Variants in CSNK1G1 observed in about 807,000 individuals in gnomAD.
The protein encoded by CSNK1G1 is casein kinase 1 gamma 1.
A neutral mutation model predicts 59.6 loss-of-function variants in CSNK1G1; 22 were observed. The observed-to-expected ratio is 0.37, with a 90% CI of 0.26 to 0.53. CSNK1G1 has a LOEUF of 0.53. Among genes scored for constraint, CSNK1G1 ranks in the 20% least tolerant of loss-of-function variants. The pLI, the probability that CSNK1G1 is intolerant of heterozygous loss-of-function variation, is 0.89. For synonymous variants in CSNK1G1, 179 were observed against 177.1 expected, an observed-to-expected ratio of 1.01 and a Z score of -0.08; for missense variants, 384 against 519.5, an observed-to-expected ratio of 0.74 and a Z score of 2.54.
At chr15:64,300,867 T>C (rs1895292871) in intron 1 of CSNK1G1, 144 bp from the exon 2 acceptor site, 3 of 429,524 alleles carry the variant, frequency 7.0e-6, no homozygotes, top group South Asian at 2.4e-4. Context: ...TATCCTCCAA[T>C]AGTTTAACCA....
rs115709000 is a variant in CSNK1G1, at chr15:64,295,256, C to T, written c.181+5063G>A. Reference sequence around the variant, plus strand: ...TATGCCTAGTGTTCCATTATTGGAACGCTAGGCTGGTGGGAGTTATTTATA... The same window carrying T: ...TATGCCTAGTGTTCCATTATTGGAATGCTAGGCTGGTGGGAGTTATTTATA... On this transcript the variant is annotated intron_variant, in intron 2 of 11. Coordinates refer to ENST00000303052, the MANE Select transcript of CSNK1G1 (RefSeq NM_022048.5). 1.6e-3 allele frequency among the ~76,000 whole-genome samples: 251 copies of T among 152,218 alleles called. 1 individual carries two copies. Among genetic ancestry groups the T allele is most frequent in the African/African-American group, 5.3e-3 (220 of 41,534 alleles).
chr15:64,308,113 T>C (rs906096478), intron 1 of CSNK1G1, among the ~76,000 whole-genome samples: 2 of 152,188 alleles, frequency 1.3e-5, no homozygotes, highest in Non-Finnish European at 2.9e-5. Context: ...ATAACGTTGA[T>C]CTCTGGAAAT....
At chr15:64,294,945 G>C (rs1037709002) in intron 2 of CSNK1G1, among the ~76,000 whole-genome samples, 1 of 151,040 alleles carries the variant, frequency 6.6e-6, no homozygotes, top group Non-Finnish European at 1.5e-5. Context: ...AGAGGGTCGG[G>C]GGGTGGCCAG....
chr15:64,237,537 T>C lies in CSNK1G1; in HGVS notation c.292+13975A>G, dbSNP rs1469838619. On this transcript the variant is annotated intron_variant, in intron 4 of 11. Coordinates refer to ENST00000303052, the MANE Select transcript of CSNK1G1 (RefSeq NM_022048.5). ...CATGTTCTTTGTTCACAACTACCTGTGTTAAAAGAGTCCTCTTTAAGTAAA... is the reference window on the plus strand; with the variant it reads ...CATGTTCTTTGTTCACAACTACCTGCGTTAAAAGAGTCCTCTTTAAGTAAA... 2.6e-5 allele frequency among the ~76,000 whole-genome samples: 4 copies of C among 152,218 alleles called. No homozygotes were observed. The East Asian group carries it at 5.8e-4, about 22-fold the overall frequency.
intron 4 of CSNK1G1, among the ~76,000 whole-genome samples, chr15:64,235,831 T>C (rs2082606695): frequency 6.6e-6 from 1 of 152,190 alleles, no homozygotes; most frequent in Non-Finnish European, 1.5e-5. Context: ...TTCAAACATT[T>C]CTTAAATACT....
chr15:64,172,652 C>T (rs1025101102), intron 11 of CSNK1G1, among the ~76,000 whole-genome samples: 1 of 152,176 alleles, frequency 6.6e-6, no homozygotes, highest in African/African-American at 2.4e-5. Context: ...AGCCCAAGAG[C>T]TGACCATCAG....
intron 1 of CSNK1G1, among the ~76,000 whole-genome samples, chr15:64,331,109 A>G (rs2140457259): frequency 6.7e-6 from 1 of 149,434 alleles, no homozygotes; most frequent in Admixed American, 6.7e-5. Flanking sequence ...GCCCAAGGTA[A>G]TTTACAGATT....
rs1482540674 is a variant in CSNK1G1 at position 64,200,812 on chromosome 15, A to G, written c.1107+2270T>C. Among the ~76,000 whole-genome samples, 2 of 152,220 alleles carry G rather than the reference A, an allele frequency of 1.3e-5. No homozygotes were observed. Among genetic ancestry groups the G allele is most frequent in the Non-Finnish European group, 2.9e-5 (2 of 68,036 alleles). The stretch of plus-strand genomic sequence containing the variant: ...CCAGTTTATTCAATAAAGGATGTGA[A>G]GTAGATTTATAACCATGCCTTTATA... On this transcript the variant is annotated intron_variant, in intron 10 of 11. Transcript: ENST00000303052. The surrounding 1 kb of genome is among the most constrained non-coding windows in gnomAD (Gnocchi z 4.3).
chr15:64,189,564 C>T (rs75062498), intron 10 of CSNK1G1: 57,221 of 880,922 alleles, frequency 0.065, 2,213 homozygotes, highest in Middle Eastern at 0.11. Context: ...ATATAAACAG[C>T]TGCAGGGGTT....
chr15:64,223,259 AT>A (rs2140278976), intron 4 of CSNK1G1, among the ~76,000 whole-genome samples: 1 of 152,274 alleles, frequency 6.6e-6, no homozygotes, highest in South Asian at 2.1e-4. Context: ...TGTATATTTC[AT>A]TCTTCTTTTG....
intron 4 of CSNK1G1, among the ~76,000 whole-genome samples, chr15:64,226,417 G>A (rs1366128837): frequency 6.6e-6 from 1 of 152,080 alleles, no homozygotes; most frequent in African/African-American, 2.4e-5. Flanking sequence ...AATTAGCTGG[G>A]CGTGGTGGTG....
intron 2 of CSNK1G1, among the ~76,000 whole-genome samples, chr15:64,300,049 C>G (rs971293062): frequency 6.6e-6 from 1 of 152,082 alleles, no homozygotes; most frequent in African/African-American, 2.4e-5. Context: ...CTGCATTTTA[C>G]TGATATCTGT....
At position 64,171,325 on chromosome 15, in the gene CSNK1G1, T is replaced by C. The variant is rs1413394421; in HGVS notation, c.*606A>G. The C allele has an allele frequency of 1.9e-5, 3 of 154,054 alleles. No individual in the cohort carries two copies. Among genetic ancestry groups the C allele is most frequent in the African/African-American group, 7.3e-5 (3 of 41,376 alleles). 9.5% of individuals were successfully genotyped at this position (154,054 alleles called of 1,614,324 possible). On this transcript the variant is annotated 3_prime_UTR_variant, in exon 12 of 12. Transcript: ENST00000303052. The surrounding 1 kb of genome is among the most constrained non-coding windows in gnomAD (Gnocchi z 4.8). ...ATTGCTCACAGCTTGTGTCCTACAG[T>C]GTAACTTCACAGGAGGGAGGGAAGA...
At chr15:64,192,684 C>A (rs1372845028) in intron 10 of CSNK1G1, among the ~76,000 whole-genome samples, 1 of 151,672 alleles carries the variant, frequency 6.6e-6, no homozygotes. Context: ...CATGGTGAGA[C>A]CCTGTCTCTA....
At chr15:64,238,004 T>C (rs368843356) in intron 4 of CSNK1G1, among the ~76,000 whole-genome samples, 131 of 152,268 alleles carry the variant, frequency 8.6e-4, no homozygotes, top group African/African-American at 2.9e-3. Flanking sequence ...CAATGATTGA[T>C]TTACTGTGGG....
chr15:64,219,481 C>T (rs1166248668), intron 4 of CSNK1G1, among the ~76,000 whole-genome samples: 3 of 152,102 alleles, frequency 2.0e-5, no homozygotes, highest in Admixed American at 6.6e-5. Context: ...TCTTTTGAGA[C>T]AGTGTCTCAC....
intron 1 of CSNK1G1, among the ~76,000 whole-genome samples, chr15:64,339,382 C>T (rs1329294540): frequency 2.6e-5 from 4 of 152,052 alleles, no homozygotes; most frequent in East Asian, 1.9e-4. Flanking sequence ...GCACAATCTC[C>T]GCTCACTGCA....
At position 64,238,772 on chromosome 15, in the gene CSNK1G1, G is replaced by GC. The variant is rs562916720; in HGVS notation, c.292+12739dup. ...TGGAGTTGGGCCAGGGCTGTGCCAT[G>GC]CCCCCCCAGGGATAGAGATTCACAG... is the stretch of plus-strand genomic sequence containing the variant. On this transcript the variant is annotated intron_variant, in intron 4 of 11. Transcript: ENST00000303052. Among the ~76,000 whole-genome samples, 9 of 151,320 alleles carry GC rather than the reference G, an allele frequency of 5.9e-5. No individual in the cohort carries two copies. The South Asian group carries it at 1.5e-3, about 25-fold the overall frequency.
At position 64,271,021 on chromosome 15, in the gene CSNK1G1, C is replaced by T. The variant is rs371768485; in HGVS notation, c.182-11780G>A. Among the ~76,000 whole-genome samples, 4 of 152,088 alleles carry T rather than the reference C, an allele frequency of 2.6e-5. No individual in the cohort carries two copies. In the South Asian group the frequency reaches 6.2e-4, roughly 24 times the overall value. On this transcript the variant is annotated intron_variant, in intron 2 of 11. Transcript: ENST00000303052. ...TTTTTGAGACAGAGTCTCGCTCTGTCTCCCAGGTTGGAGTGTAGCAGCACG... is the reference window on the plus strand; with the variant it reads ...TTTTTGAGACAGAGTCTCGCTCTGTTTCCCAGGTTGGAGTGTAGCAGCACG...
Sources: gnomAD v4.1 joint callset for allele counts (sites outside exome capture counted in the v4.1 genomes callset) on GRCh38, gnomAD v4.1.1 for gene constraint, Gnocchi (gnomAD v3.1) non-coding constraint, MANE v1.5 for transcripts, NCBI Gene and HGNC (gene_info 2026-07-23, HGNC 2026-07-21) for gene names.